Variants in CYB5B observed in about 807,000 individuals in gnomAD.
The protein encoded by CYB5B is cytochrome b5 type B, also known as cytochrome b5 type B (outer mitochondrial membrane).
Under a neutral mutation model 21.3 loss-of-function variants are expected in CYB5B, and 14 were observed. The observed-to-expected ratio is 0.66, with a 90% CI of 0.43 to 1.03. CYB5B has a LOEUF of 1.03. Among genes scored for constraint, CYB5B ranks in the 50% least tolerant of loss-of-function variants. The probability of loss-of-function intolerance (pLI) is 0.00; values close to 1 mark genes in which losing one functional copy is unlikely to be tolerated. For missense variants in CYB5B, 166 were observed against 185.1 expected, an observed-to-expected ratio of 0.90 and a Z score of 0.60; for synonymous variants, 69 against 68.4, an observed-to-expected ratio of 1.01 and a Z score of -0.04.
At chr16:69,427,099 G>A (rs1363781352) in intron 1 of CYB5B, among the ~76,000 whole-genome samples, 1 of 152,146 alleles carries the variant, frequency 6.6e-6, no homozygotes, top group Non-Finnish European at 1.5e-5. Flanking sequence ...AATAAGCCAG[G>A]CTTGGTGGCA....
chr16:69,425,412 C>CT (rs35047288), intron 1 of CYB5B, among the ~76,000 whole-genome samples: 2,360 of 151,058 alleles, frequency 0.016, 60 homozygotes, highest in African/African-American at 0.054. Flanking sequence ...TAAATCAACC[C>CT]TTTTTTTTTG....
At chr16:69,438,690 C>T (rs2142814156) in intron 1 of CYB5B, among the ~76,000 whole-genome samples, 1 of 151,908 alleles carries the variant, frequency 6.6e-6, no homozygotes, top group East Asian at 1.9e-4. Context: ...TTTTCATCTT[C>T]TTATTGGTCA....
rs748081913 is a variant in CYB5B at position 69,424,743 on chromosome 16, C to G, written c.60C>G (p.Val20=). Residue 20 remains valine, a synonymous_variant, in exon 1 of 5, where the codon GTC becomes GTG. Coordinates refer to ENST00000307892, the MANE Select transcript of CYB5B (RefSeq NM_030579.3). ...ASGSDGKGQE[V]ETSVTYYRLE... ...GCAGCGATGGGAAAGGGCAGGAAGT[C>G]GAGACCTCAGTCACCTATTACCGGT... 5.0e-6 allele frequency: 8 copies of G among 1,600,404 alleles called. No individual in the cohort carries two copies. In the East Asian group the frequency reaches 1.2e-4, roughly 23 times the overall value.
intron 3 of CYB5B, among the ~76,000 whole-genome samples, chr16:69,456,246 C>T (rs2014983101): frequency 6.6e-6 from 1 of 152,080 alleles, no homozygotes. Context: ...CTCAGGTGAT[C>T]CTCCTGCCTC....
chr16:69,448,014 C>T, intron 2 of CYB5B, 101 bp from the exon 3 acceptor site: 1 of 1,233,024 alleles, frequency 8.1e-7, no homozygotes, highest in Non-Finnish European at 1.2e-6. Context: ...AATTCACTAT[C>T]ACCAGAATAT....
Position 69,456,624 on chromosome 16 carries a change from A to G in CYB5B, c.334-2469A>G, listed in dbSNP as rs369703968. Among the ~76,000 whole-genome samples the G allele has an allele frequency of 1.2e-4, 18 of 152,344 alleles. 1 individual carries two copies. Among genetic ancestry groups the G allele is most frequent in the African/African-American group, 4.1e-4 (17 of 41,586 alleles). On this transcript the variant is annotated intron_variant, in intron 3 of 4. Transcript: ENST00000307892. ...ATTACTTTCCAGGCCAAAGATTGAG[A>G]GCATTAAAATCTGGGCATGGACATA...
At chr16:69,434,608 G>C (rs1457762309) in intron 1 of CYB5B, among the ~76,000 whole-genome samples, 1 of 152,150 alleles carries the variant, frequency 6.6e-6, no homozygotes, top group Non-Finnish European at 1.5e-5. Flanking sequence ...GCTCACGCCT[G>C]TAATCCCAGC....
At chr16:69,457,221 T>C (rs1239701771) in intron 3 of CYB5B, among the ~76,000 whole-genome samples, 1 of 152,214 alleles carries the variant, frequency 6.6e-6, no homozygotes, top group African/African-American at 2.4e-5. Context: ...ATTACCTTTT[T>C]CTAAGGCTCA....
chr16:69,459,980 G>A (rs747147855), intron 4 of CYB5B, among the ~76,000 whole-genome samples: 6 of 152,184 alleles, frequency 3.9e-5, no homozygotes, highest in Middle Eastern at 3.2e-3. Context: ...GCCGGGCGCG[G>A]TGGCTCACGC....
chr16:69,447,717 C>T (rs2014891887), intron 2 of CYB5B, among the ~76,000 whole-genome samples: 2 of 151,750 alleles, frequency 1.3e-5, no homozygotes, highest in South Asian at 2.1e-4. Flanking sequence ...CCAAAATTGT[C>T]TAGTCTTACT....
At chr16:69,425,298 A>G (rs2014631991) in intron 1 of CYB5B, among the ~76,000 whole-genome samples, 2 of 152,082 alleles carry the variant, frequency 1.3e-5, no homozygotes, top group Admixed American at 1.3e-4. Context: ...TTCGTCTTCT[A>G]GAGTAGAAGC....
chr16:69,440,112 T>TG (rs55952516), intron 1 of CYB5B, among the ~76,000 whole-genome samples: 25,506 of 152,082 alleles, frequency 0.17, 3,033 homozygotes, highest in African/African-American at 0.34. Context: ...TGGCCTCTAG[T>TG]GATCCTCCTG....
intron 1 of CYB5B, among the ~76,000 whole-genome samples, chr16:69,425,292 T>C (rs2014631933): frequency 6.6e-6 from 1 of 152,160 alleles, no homozygotes; most frequent in South Asian, 2.1e-4. Context: ...TTGGTTTTCG[T>C]CTTCTAGAGT....
At position 69,462,733 on chromosome 16, in the gene CYB5B, G is replaced by A; in HGVS notation, c.*213G>A. The A allele has an allele frequency of 1.2e-5, 6 of 519,384 alleles. No individual in the cohort carries two copies. Among genetic ancestry groups the A allele is most frequent in the Non-Finnish European group, 2.1e-5 (6 of 287,126 alleles). The allele number at this position is 519,384 out of a possible 1,614,324, so 32.2% of individuals were successfully genotyped here. ...CCAAAGTACCTGCTCACTGTTCCGT[G>A]TTGAACAATTGCCGGTGTTTCCTCT... On this transcript the variant is annotated 3_prime_UTR_variant, in exon 5 of 5. Transcript: ENST00000307892.
At chr16:69,443,719 G>A (rs967370120) in intron 1 of CYB5B, among the ~76,000 whole-genome samples, 1 of 152,192 alleles carries the variant, frequency 6.6e-6, no homozygotes, top group Non-Finnish European at 1.5e-5. Flanking sequence ...GCTGGGCATG[G>A]TGGCAGGCAC....
rs1172951655 is a variant in CYB5B at position 69,424,679 on chromosome 16, G to A, written c.-5G>A. ...CGGAATCTCAGTTAGCGGTGGAGAGGCAGTATGTCCGGTTCAATGGCGACT... is the reference window on the plus strand; with the variant it reads ...CGGAATCTCAGTTAGCGGTGGAGAGACAGTATGTCCGGTTCAATGGCGACT... On this transcript the variant is annotated 5_prime_UTR_variant, in exon 1 of 5. Transcript: ENST00000307892. The A allele has an allele frequency of 2.6e-6, 4 of 1,549,488 alleles. No homozygotes were observed. Among genetic ancestry groups the A allele is most frequent in the Non-Finnish European group, 3.5e-6 (4 of 1,147,586 alleles).
rs566667712 is a variant in CYB5B at position 69,460,234 on chromosome 16, C to CA, written c.362+1124dup. ...GGGCAACGAGAACGAAACTCCATCT[C>CA]AAAAAAAAAAACCAAACCTTATGCT... On this transcript the variant is annotated intron_variant, in intron 4 of 4. Transcript: ENST00000307892. Among the ~76,000 whole-genome samples the CA allele has an allele frequency of 6.2e-3, 841 of 135,606 alleles. 1 individual carries two copies. The highest frequency in any genetic ancestry group is 0.023 in the South Asian group (97 of 4,166). 89.0% of individuals were successfully genotyped at this position (135,606 alleles called of 152,430 possible).
intron 3 of CYB5B, chr16:69,449,587 C>T (rs1478919564): frequency 1.3e-5 from 2 of 152,182 alleles, no homozygotes. Context: ...CTTGGTAGTA[C>T]AGTTAGGACC....
chr16:69,448,141 C>T lies in CYB5B; in HGVS notation c.330C>T (p.Ser110=). The change falls in exon 3 of 5, where the codon AGC becomes AGT. Residue 110 remains serine (S), a synonymous_variant. Transcript: ENST00000307892. ...GTGACCTTAAACCTGAAAGTGGTAG[C>T]AAGGTAAGAAGTCAGCGGTTTGTCT... The part of the protein sequence containing the change: ...HPSDLKPESG[S]KDPSKNDTCK... 1.2e-6 allele frequency: 2 copies of T among 1,612,886 alleles called. No homozygotes were observed. Among genetic ancestry groups the T allele is most frequent in the Non-Finnish European group, 1.7e-6 (2 of 1,179,710 alleles).
Sources: gnomAD v4.1 joint callset for allele counts (sites outside exome capture counted in the v4.1 genomes callset) on GRCh38, gnomAD v4.1.1 for gene constraint, MANE v1.5 for transcripts, NCBI Gene and HGNC (gene_info 2026-07-23, HGNC 2026-07-21) for gene names.